Variants in PCDH15 observed in about 807,000 individuals in gnomAD.
The protein encoded by PCDH15 is protocadherin related 15.
A neutral mutation model predicts 178.5 loss-of-function variants in PCDH15; 129 were observed. That is an observed-to-expected ratio of 0.72 (90% confidence interval 0.63 to 0.84). The LOEUF is 0.84. PCDH15 is among the 40% of genes least tolerant of loss of function. The pLI is 0.00. For synonymous variants in PCDH15, 800 were observed against 732.0 expected (o/e 1.09, Z -1.50); for missense variants, 2,230 against 2,099.9 (o/e 1.06, Z -1.21).
chr10:54,176,042 C>T (rs193228587), intron 13 of PCDH15, among the ~76,000 whole-genome samples: 158 of 152,122 alleles, frequency 1.0e-3, no homozygotes, highest in African/African-American at 3.2e-3. Context: ...GAGATCATCT[C>T]GGGAAAGGAC....
chr10:54,328,009 G>T (rs926601663), intron 7 of PCDH15, among the ~76,000 whole-genome samples: 2 of 152,010 alleles, frequency 1.3e-5, no homozygotes, highest in Non-Finnish European at 2.9e-5. Context: ...TTACATTAAA[G>T]ATCACCGTTG....
At chr10:55,151,994 T>C (rs2589430) in intron 2 of PCDH15, among the ~76,000 whole-genome samples, 129,143 of 151,938 alleles carry the variant, frequency 0.85, 55,699 homozygotes, top group South Asian at 0.93. Flanking sequence ...ATAGGAGACT[T>C]TGTTATGTGG....
At chr10:54,274,589 T>C (rs970416977) in intron 8 of PCDH15, among the ~76,000 whole-genome samples, 1 of 150,220 alleles carries the variant, frequency 6.7e-6, no homozygotes, top group Non-Finnish European at 1.5e-5. Flanking sequence ...TATAAATGCC[T>C]TTGATTCGAA....
At chr10:53,941,273 T>C (rs561124511) in intron 23 of PCDH15, among the ~76,000 whole-genome samples, 117 of 152,282 alleles carry the variant, frequency 7.7e-4, no homozygotes, top group African/African-American at 2.6e-3. Flanking sequence ...TTTCATGTAG[T>C]ATCATATAGG....
At chr10:54,241,809 A>G (rs1162600038) in intron 8 of PCDH15, among the ~76,000 whole-genome samples, 2 of 152,004 alleles carry the variant, frequency 1.3e-5, no homozygotes, top group Non-Finnish European at 2.9e-5. Flanking sequence ...AGGTAATCAT[A>G]GAAACGATTA....
intron 2 of PCDH15, among the ~76,000 whole-genome samples, chr10:54,917,902 A>G (rs1240527893): frequency 6.6e-6 from 1 of 152,180 alleles, no homozygotes; most frequent in African/African-American, 2.4e-5. Context: ...GGATATCAAT[A>G]CTAATTATCT....
chr10:54,570,809 G>C (rs1176119599), intron 2 of PCDH15, among the ~76,000 whole-genome samples: 1 of 136,506 alleles, frequency 7.3e-6, no homozygotes, highest in African/African-American at 2.7e-5. Flanking sequence ...GTGCCACCAC[G>C]CCTGGCTATT....
chr10:53,823,862 A>C (rs1312689199), intron 32 of PCDH15: 4 of 444,666 alleles, frequency 9.0e-6, no homozygotes, highest in Non-Finnish European at 1.8e-5. Context: ...TGTTCTCCAA[A>C]TTAAGAGAAT....
intron 2 of PCDH15, among the ~76,000 whole-genome samples, chr10:55,538,484 TCCTTCCTC>T (rs1404939746): frequency 2.3e-5 from 3 of 130,234 alleles, no homozygotes; most frequent in East Asian, 2.8e-4. Flanking sequence ...CTTCCTCCCT[TCCTTCCTC>T]CTTTCCTTCC....
chr10:54,036,432 A>G (rs569844907), intron 18 of PCDH15, among the ~76,000 whole-genome samples: 1 of 151,992 alleles, frequency 6.6e-6, no homozygotes, highest in African/African-American at 2.4e-5. Context: ...ATCCTAGTGC[A>G]CTTAAGAATT....
chr10:54,474,658 A>G (rs1348626612), intron 3 of PCDH15, among the ~76,000 whole-genome samples: 1 of 151,986 alleles, frequency 6.6e-6, no homozygotes. Flanking sequence ...TATAATCCAT[A>G]GGAATTTTTT....
At chr10:54,096,294 C>G (rs2136108527) in intron 15 of PCDH15, among the ~76,000 whole-genome samples, 1 of 151,990 alleles carries the variant, frequency 6.6e-6, no homozygotes, top group Non-Finnish European at 1.5e-5. Context: ...CTCAGAGTAG[C>G]CTTCTTGTTT....
intron 3 of PCDH15, among the ~76,000 whole-genome samples, chr10:54,420,675 A>C (rs1955136927): frequency 6.6e-6 from 1 of 152,026 alleles, no homozygotes. Context: ...AATGAAAGCA[A>C]AGGGGAGATA....
At chr10:54,259,296 C>T (rs1429688733) in intron 8 of PCDH15, among the ~76,000 whole-genome samples, 1 of 152,150 alleles carries the variant, frequency 6.6e-6, no homozygotes, top group Non-Finnish European at 1.5e-5. Flanking sequence ...TCTACCGGCC[C>T]CTGTCTGGGG....
chr10:55,529,057 C>T (rs1466037699), intron 2 of PCDH15, among the ~76,000 whole-genome samples: 1 of 151,980 alleles, frequency 6.6e-6, no homozygotes, highest in Non-Finnish European at 1.5e-5. Flanking sequence ...ATCCTTTGCC[C>T]ACTTTTTGAT....
At chr10:55,553,258 A>C (rs907663055) in intron 2 of PCDH15, among the ~76,000 whole-genome samples, 1 of 151,266 alleles carries the variant, frequency 6.6e-6, no homozygotes, top group Non-Finnish European at 1.5e-5. Flanking sequence ...TGTGTGGTTC[A>C]CCTCTGGATT....
At chr10:55,313,173 A>G (rs1036877060) in intron 1 of PCDH15, among the ~76,000 whole-genome samples, 8 of 152,108 alleles carry the variant, frequency 5.3e-5, no homozygotes, top group Admixed American at 6.6e-5. Context: ...CTACTCATAC[A>G]TATATATTCC....
At chr10:55,494,599 A>G (rs1267652783) in intron 2 of PCDH15, among the ~76,000 whole-genome samples, 1 of 151,612 alleles carries the variant, frequency 6.6e-6, no homozygotes, top group Admixed American at 6.6e-5. Context: ...TTATTTATAT[A>G]CTGGTTATTT....
intron 2 of PCDH15, among the ~76,000 whole-genome samples, chr10:55,626,868 T>A (rs558175744): frequency 6.6e-6 from 1 of 152,336 alleles, no homozygotes; most frequent in East Asian, 1.9e-4. Flanking sequence ...AGAAGTCTTT[T>A]ATCATCCCTG....
Sources: gnomAD v4.1 joint callset for allele counts (sites outside exome capture counted in the v4.1 genomes callset) on GRCh38, gnomAD v4.1.1 for gene constraint, MANE v1.5 for transcripts, NCBI Gene and HGNC (gene_info 2026-07-23, HGNC 2026-07-21) for gene names.